INSC: variants seen among roughly 807,000 people sequenced by gnomAD.
INSC encodes protein inscuteable homolog.
Under a neutral mutation model 58.6 loss-of-function variants are expected in INSC, and 67 were observed. The observed-to-expected ratio is 1.14, with a 90% confidence interval of 0.94 to 1.40. INSC has a LOEUF of 1.40. Among genes scored for constraint, INSC ranks in the 40% most tolerant of loss-of-function variants. The pLI, the probability that INSC is intolerant of heterozygous loss-of-function variation, is 0.00. For synonymous variants in INSC, 262 were observed against 276.1 expected, an observed-to-expected ratio of 0.95 and a Z score of 0.51; for missense variants, 714 against 692.0, an observed-to-expected ratio of 1.03 and a Z score of -0.36.
At chr11:15,117,038 A>G (rs1212597758) in intron 1 of INSC, among the ~76,000 whole-genome samples, 2 of 148,534 alleles carry the variant, frequency 1.3e-5, no homozygotes, top group African/African-American at 5.0e-5. Context: ...TGCCCCCCGG[A>G]TTCAAGCGAT....
At chr11:15,215,074 C>A (rs757310405) in intron 7 of INSC, among the ~76,000 whole-genome samples, 1 of 152,198 alleles carries the variant, frequency 6.6e-6, no homozygotes, top group Non-Finnish European at 1.5e-5. Context: ...GGAAGAATCT[C>A]AGCATTCGCC....
chr11:15,214,841 T>C (rs1423903491), intron 7 of INSC, among the ~76,000 whole-genome samples: 1 of 152,016 alleles, frequency 6.6e-6, no homozygotes, highest in Non-Finnish European at 1.5e-5. Flanking sequence ...AAAAGATGAG[T>C]TCAGCTTTAT....
In INSC at chr11:15,175,748, C is replaced by T. The variant is rs1221890649; in HGVS notation, c.64C>T (p.Leu22=). 1.3e-6 allele frequency: 2 copies of T among 1,557,040 alleles called. No individual in the cohort carries two copies. The highest frequency in any genetic ancestry group is 1.7e-6 in the Non-Finnish European group (2 of 1,143,302). The change falls in exon 3 of 13, where the codon CTG becomes TTG. Residue 22 remains leucine, a synonymous_variant. Coordinates refer to ENST00000379556, the MANE Select transcript of INSC (RefSeq NM_001042536.3). The part of the protein sequence containing the change: ...SVTLPGQRLH[L]MQVDSVQRWM... The stretch of plus-strand genomic sequence containing the variant: ...GCTGTTTCCTGGTTGCAGGCTACAC[C>T]TGATGCAGGTGGACTCAGTCCAGCG...
chr11:15,163,680 G>A (rs1322665296), intron 2 of INSC, among the ~76,000 whole-genome samples: 2 of 152,072 alleles, frequency 1.3e-5, no homozygotes, highest in African/African-American at 2.4e-5. Context: ...TGCAACCTCC[G>A]CTTCCTGGGT....
At chr11:15,227,718 C>T (rs1411572789) in intron 9 of INSC, among the ~76,000 whole-genome samples, 1 of 152,180 alleles carries the variant, frequency 6.6e-6, no homozygotes, top group Non-Finnish European at 1.5e-5. Context: ...TAGACATACC[C>T]TTGGTAGTAG....
chr11:15,116,831 T>TTC (rs1360747313), intron 1 of INSC, among the ~76,000 whole-genome samples: 1 of 41,530 alleles, frequency 2.4e-5, no homozygotes, highest in Non-Finnish European at 4.5e-5. Flanking sequence ...CTTTCTTTCT[T>TTC]TCTTTCTTTC....
chr11:15,263,648 G>A, the INSC span, among the ~76,000 whole-genome samples: 1 of 152,124 alleles, frequency 6.6e-6, no homozygotes, highest in Non-Finnish European at 1.5e-5. Context: ...ACACACAAAT[G>A]TAGTATCTTA....
At chr11:15,192,692 C>T (rs886724042) in intron 6 of INSC, among the ~76,000 whole-genome samples, 1 of 152,166 alleles carries the variant, frequency 6.6e-6, no homozygotes, top group Non-Finnish European at 1.5e-5. Flanking sequence ...TTCTGAAGGG[C>T]TGTTGAGTAT....
intron 7 of INSC, among the ~76,000 whole-genome samples, chr11:15,216,109 G>T (rs749591452): frequency 1.3e-5 from 2 of 152,168 alleles, no homozygotes; most frequent in South Asian, 4.1e-4. Context: ...TGTCTGATAT[G>T]GAGTAAAGCG....
rs1849645616 is a variant in INSC at position 15,178,349 on chromosome 11, G to A, written c.481G>A (p.Val161Ile). The A allele has an allele frequency of 1.2e-6, 2 of 1,614,006 alleles. No individual in the cohort carries two copies. Among genetic ancestry groups the A allele is most frequent in the African/African-American group, 2.7e-5 (2 of 75,036 alleles). The stretch of plus-strand genomic sequence containing the variant: ...GTGCCTTCAGGTTGAGAATGAGCAT[G>A]TCCTGAAGTCAATGAAGGCCTGCGT... ...ERCLQVENEH[V>I]LKSMKACVSE... The change falls in exon 5 of 13, where the codon GTC (valine) becomes ATC (isoleucine). Residue 161 changes from valine to isoleucine, a missense_variant. Physicochemically the swap from Val to Ile is conservative, Grantham distance 29. Coordinates refer to ENST00000379556, the MANE Select transcript of INSC (RefSeq NM_001042536.3).
the INSC span, among the ~76,000 whole-genome samples, chr11:15,260,725 A>G: frequency 6.6e-6 from 1 of 152,218 alleles, no homozygotes; most frequent in Non-Finnish European, 1.5e-5. Flanking sequence ...ATGGAAGAAT[A>G]GGAAACTTTC....
At chr11:15,173,510 A>G (rs1358997859) in intron 2 of INSC, among the ~76,000 whole-genome samples, 1 of 152,194 alleles carries the variant, frequency 6.6e-6, no homozygotes, top group African/African-American at 2.4e-5. Flanking sequence ...GATTCTACTT[A>G]ATATAAAATT....
At chr11:15,217,921 T>C (rs1484935666) in intron 7 of INSC, among the ~76,000 whole-genome samples, 1 of 152,226 alleles carries the variant, frequency 6.6e-6, no homozygotes, top group Non-Finnish European at 1.5e-5. Context: ...AGTGTGATTA[T>C]GTATTGCTGG....
chr11:15,138,364 C>T (rs1848294758), intron 1 of INSC, among the ~76,000 whole-genome samples: 1 of 151,990 alleles, frequency 6.6e-6, no homozygotes, highest in Non-Finnish European at 1.5e-5. Context: ...TGTCCCAAAC[C>T]TTCAATTTGT....
upstream of INSC, among the ~76,000 whole-genome samples, chr11:15,112,926 A>C (rs1359379181): frequency 2.0e-5 from 3 of 152,138 alleles, no homozygotes; most frequent in African/African-American, 7.2e-5. Context: ...CCCAATGTAC[A>C]TATGGGAAAA....
intron 11 of INSC, among the ~76,000 whole-genome samples, chr11:15,239,416 T>C (rs756088947): frequency 3.9e-5 from 6 of 152,226 alleles, no homozygotes; most frequent in Non-Finnish European, 5.9e-5. Flanking sequence ...TACTCACTTG[T>C]TCATTTACTC....
At chr11:15,171,927 C>T (rs1464295119) in intron 2 of INSC, among the ~76,000 whole-genome samples, 2 of 152,190 alleles carry the variant, frequency 1.3e-5, no homozygotes, top group Admixed American at 6.5e-5. Flanking sequence ...ACCGCTGGAT[C>T]AAGCACCAAT....
chr11:15,229,977 TATTATA>T (rs1298220630), intron 9 of INSC, among the ~76,000 whole-genome samples: 9 of 11,162 alleles, frequency 8.1e-4, no homozygotes, highest in Admixed American at 2.7e-3. Flanking sequence ...TATATATATA[TATTATA>T]TATATATATA....
At chr11:15,205,811 C>T (rs945481709) in intron 7 of INSC, among the ~76,000 whole-genome samples, 6 of 152,122 alleles carry the variant, frequency 3.9e-5, no homozygotes, top group Non-Finnish European at 8.8e-5. Flanking sequence ...CTGCTCTTTC[C>T]TCTGCTACCT....
Sources: allele counts gnomAD v4.1 joint callset (sites outside exome capture counted in the v4.1 genomes callset), GRCh38; gene constraint gnomAD v4.1.1; transcripts MANE v1.5; gene names NCBI Gene and HGNC (gene_info 2026-07-23, HGNC 2026-07-21).